Variants in ANK1 observed in about 807,000 individuals in gnomAD.
ANK1 encodes ankyrin-1.
Under a neutral mutation model 210.4 loss-of-function variants are expected in ANK1, and 51 were observed. That is an observed-to-expected ratio of 0.24 (90% CI 0.19 to 0.31). The LOEUF (loss-of-function observed/expected upper bound fraction) is 0.31, where lower values mean the gene tolerates loss of function less well. Among genes scored for constraint, ANK1 ranks in the 10% least tolerant of loss-of-function variants. The pLI is 1.00. For missense variants in ANK1, 2,051 were observed against 2,504.4 expected, an observed-to-expected ratio of 0.82 and a Z score of 3.86; for synonymous variants, 967 against 1,025.9, an observed-to-expected ratio of 0.94 and a Z score of 1.10.
Position 41,758,133 on chromosome 8 carries a change from T to G in ANK1, c.32A>C (p.Asp11Ala), listed in dbSNP as rs374077488. ...TGCTCTCAGAAAGCTGGTAGCAGCA[T>G]CGGCCTGTGAGGAAAAACAACAGGC... MPYSVGFREADAATSFLRAAR... is the reference protein window; with the variant it reads MPYSVGFREAAAATSFLRAAR... The change falls in exon 2 of 43, where the codon GAT becomes GCT. Residue 11 changes from aspartate (D) to alanine (A), a missense_variant. Coordinates refer to ENST00000289734, the MANE Select transcript of ANK1 (RefSeq NM_000037.4). 3.2e-5 allele frequency: 51 copies of G among 1,613,642 alleles called. No individual in the cohort carries two copies. The East Asian group carries it at 1.1e-3, about 36-fold the overall frequency.
At chr8:41,779,959 T>C (rs1844928024) in intron 1 of ANK1, among the ~76,000 whole-genome samples, 1 of 152,222 alleles carries the variant, frequency 6.6e-6, no homozygotes, top group Admixed American at 6.5e-5. Context: ...GGGAAAGCCA[T>C]GAGACAGAGC....
At position 41,839,688 on chromosome 8, in the gene ANK1, A is replaced by G. The variant is rs184988328; in HGVS notation, c.126+56667T>C. On this transcript the variant is annotated intron_variant, in intron 1 of 42. Transcript: ENST00000265709. ...TATGACAACCACCTCAGCCAAAATG[A>G]CATTCCAGAAAACAAGGGGTCATCT... Among the ~76,000 whole-genome samples, 337 of 152,282 alleles carry G rather than the reference A, an allele frequency of 2.2e-3. 3 individuals are homozygous for G. The highest frequency in any genetic ancestry group is 7.7e-3 in the African/African-American group (318 of 41,554).
intron 40 of ANK1, among the ~76,000 whole-genome samples, chr8:41,662,318 C>T (rs534547894): frequency 6.6e-6 from 1 of 152,166 alleles, no homozygotes; most frequent in East Asian, 1.9e-4. Context: ...ACAGCAGTTC[C>T]CAGGAATGAG....
chr8:41,744,892 TCAGA>T (rs1835714572), intron 2 of ANK1, among the ~76,000 whole-genome samples: 1 of 152,154 alleles, frequency 6.6e-6, no homozygotes, highest in Non-Finnish European at 1.5e-5. Flanking sequence ...TGAGGCAGCA[TCAGA>T]CAGACAGCTG....
chr8:41,894,981 A>AGGTG (rs1484453095), intron 1 of ANK1, among the ~76,000 whole-genome samples: 1 of 152,048 alleles, frequency 6.6e-6, no homozygotes, highest in Non-Finnish European at 1.5e-5. Context: ...CCCTCAAGGG[A>AGGTG]GGTGGGGACG....
In ANK1 at chr8:41,810,516, C is replaced by A. The variant is rs528816928; in HGVS notation, c.127-52379G>T. On this transcript the variant is annotated intron_variant, in intron 1 of 42. Transcript: ENST00000265709. The stretch of plus-strand genomic sequence containing the variant: ...TGGCCCCTCTGCTGAGGCTGCCCTA[C>A]AGCCGTGCAAAGGCTTTTTAGTGGC... Among the ~76,000 whole-genome samples, 565 of 152,364 alleles carry A rather than the reference C, an allele frequency of 3.7e-3. 4 individuals are homozygous for A. Among genetic ancestry groups the A allele is most frequent in the African/African-American group, 0.013 (533 of 41,584 alleles).
intron 35 of ANK1, among the ~76,000 whole-genome samples, 190 bp downstream of exon 35, chr8:41,687,966 G>T (rs1818151423): frequency 6.6e-6 from 1 of 152,224 alleles, no homozygotes; most frequent in Non-Finnish European, 1.5e-5. Context: ...AGAGATGGAG[G>T]CAGGGGGCTC....
At chr8:41,820,473 G>T (rs1452547941) in intron 1 of ANK1, among the ~76,000 whole-genome samples, 2 of 151,996 alleles carry the variant, frequency 1.3e-5, no homozygotes, top group African/African-American at 4.8e-5. Context: ...TGGGATTACA[G>T]GAATAAGCCC....
chr8:41,715,132 A>G (rs1417759841), intron 14 of ANK1, 58 bp from the exon 15 acceptor site: 4 of 1,479,916 alleles, frequency 2.7e-6, no homozygotes, highest in Admixed American at 3.4e-5. Flanking sequence ...CCCTGGAGAA[A>G]GGGCCCACAG....
rs1406565937 is a variant in ANK1, at chr8:41,661,426, T to C, written c.*36+4A>G. 6.2e-7 allele frequency: 1 copy of C among 1,613,900 alleles called. No individual in the cohort carries two copies. The highest frequency in any genetic ancestry group is 1.3e-5 in the African/African-American group (1 of 75,038). On this transcript the variant is annotated splice_donor_region_variant and intron_variant, in intron 42 of 42. Coordinates refer to ENST00000289734, the MANE Select transcript of ANK1 (RefSeq NM_000037.4). ...TGCAGAGGGGATGAGAAGGGCAGCG[T>C]TACCTCCCGAGAGGCTACTCCAAGG...
chr8:41,776,673 G>A (rs1466761726), intron 1 of ANK1, among the ~76,000 whole-genome samples: 3 of 152,204 alleles, frequency 2.0e-5, no homozygotes, highest in African/African-American at 7.2e-5. Context: ...GCTAAATGCT[G>A]ACTGCAGAGG....
rs143393263 is a variant in ANK1 at position 41,812,157 on chromosome 8, C to T, written c.127-54020G>A. On this transcript the variant is annotated intron_variant, in intron 1 of 42. Coordinates refer to the ANK1 transcript ENST00000265709. ...CATGAGTTCCAAATCACTTCGTTAT[C>T]ATCATCCAACCCAAATATCTTCATT... 1.2e-3 allele frequency among the ~76,000 whole-genome samples: 178 copies of T among 152,358 alleles called. 2 individuals carry two copies. The East Asian group carries it at 0.028, about 24-fold the overall frequency.
chr8:41,666,913 C>T (rs1048054424), intron 39 of ANK1, among the ~76,000 whole-genome samples: 3 of 152,188 alleles, frequency 2.0e-5, no homozygotes, highest in African/African-American at 4.8e-5. Context: ...GTCCACAGTG[C>T]CCTCATTTAT....
chr8:41,836,596 C>CG (rs1807778718), intron 1 of ANK1, among the ~76,000 whole-genome samples: 1 of 152,176 alleles, frequency 6.6e-6, no homozygotes, highest in South Asian at 2.1e-4. Flanking sequence ...AAACTCAGCC[C>CG]GGGCTAAGGA....
chr8:41,715,099 C>A (rs373920234), intron 14 of ANK1, 25 bp from the exon 15 acceptor site: 4 of 1,611,100 alleles, frequency 2.5e-6, no homozygotes, highest in African/African-American at 1.3e-5. Flanking sequence ...GCTGTCAGGA[C>A]CTTGGGGCCC....
At chr8:41,896,270 C>A (rs1407226392) in intron 1 of ANK1, 2 of 1,453,848 alleles carry the variant, frequency 1.4e-6, no homozygotes, top group East Asian at 2.8e-5. Flanking sequence ...CGCGCCCCAC[C>A]GCGTCCCGGG....
chr8:41,653,351 A>T lies in ANK1; in HGVS notation c.*2439T>A, dbSNP rs1161749250. 3 of 152,630 alleles carry T rather than the reference A, an allele frequency of 2.0e-5. No homozygotes were observed. Among genetic ancestry groups the T allele is most frequent in the Non-Finnish European group, 4.4e-5 (3 of 68,048 alleles). 9.5% of individuals were successfully genotyped at this position (152,630 alleles called of 1,614,324 possible). On this transcript the variant is annotated 3_prime_UTR_variant, in exon 43 of 43. Transcript: ENST00000289734. ...GAGCATGTGGGAGAGTCAAGAAAAG[A>T]TCCATTTTCATAACAATTAAAAAAA...
At chr8:41,822,188 A>G (rs577892811) in intron 1 of ANK1, among the ~76,000 whole-genome samples, 1 of 150,116 alleles carries the variant, frequency 6.7e-6, no homozygotes, top group Non-Finnish European at 1.5e-5. Context: ...GAAAGAAAGA[A>G]GGAAAGAAAG....
intron 1 of ANK1, among the ~76,000 whole-genome samples, chr8:41,772,762 G>A (rs555929318): frequency 5.9e-5 from 9 of 152,198 alleles, no homozygotes; most frequent in East Asian, 5.8e-4. Flanking sequence ...CAGCTGACCC[G>A]TTGGGCTCTC....
Sources: gnomAD v4.1 joint callset for allele counts (sites outside exome capture counted in the v4.1 genomes callset) on GRCh38, gnomAD v4.1.1 for gene constraint, MANE v1.5 for transcripts, NCBI Gene and HGNC (gene_info 2026-07-23, HGNC 2026-07-21) for gene names.